The following TPCN1 variants were observed in gnomAD, a reference collection of about 807,000 sequenced individuals.
TPCN1 encodes two pore channel protein 1.
TPCN1 carries 52 observed loss-of-function variants against 108.8 expected under a neutral mutation model. The ratio of observed to expected loss-of-function variants is 0.48; its 90% confidence interval spans 0.38 to 0.60. The LOEUF (loss-of-function observed/expected upper bound fraction) is 0.60, where lower values mean the gene tolerates loss of function less well. Among genes scored for constraint, TPCN1 ranks in the 20% least tolerant of loss-of-function variants. TPCN1 has a pLI of 0.00. For missense variants in TPCN1, 806 were observed against 1,072.8 expected (o/e 0.75, Z 3.47); for synonymous variants, 446 against 433.7 (o/e 1.03, Z -0.35).
intron 2 of TPCN1, among the ~76,000 whole-genome samples, chr12:113,241,752 G>T (rs544209340): frequency 1.4e-5 from 2 of 145,394 alleles, no homozygotes; most frequent in African/African-American, 5.3e-5. Context: ...TGGCGTTTGC[G>T]TGCCTCTGCG....
At chr12:113,243,965 C>A (rs976526364) in intron 2 of TPCN1, among the ~76,000 whole-genome samples, 1 of 152,154 alleles carries the variant, frequency 6.6e-6, no homozygotes, top group Admixed American at 6.5e-5. Context: ...TGTCCCCTAA[C>A]TCCCAAAAGC....
intron 13 of TPCN1, 89 bp from the exon 14 acceptor site, chr12:113,278,683 G>A (rs1252932146): frequency 8.5e-6 from 9 of 1,053,540 alleles, no homozygotes; most frequent in Non-Finnish European, 1.3e-5. Context: ...TTAGCAGGGT[G>A]AACAGGAAAG....
intron 2 of TPCN1, among the ~76,000 whole-genome samples, chr12:113,252,003 G>C (rs535262460): frequency 1.3e-5 from 2 of 152,092 alleles, no homozygotes; most frequent in African/African-American, 4.8e-5. Flanking sequence ...TTCCAGACCT[G>C]GTGAGTTACA....
chr12:113,291,008 CG>C lies in TPCN1; in HGVS notation c.1959+13del. ...CTGGTACATCATCATGGTAAGAGCT[CG>C]GGCAGCTCTGGGGGTATCTTCCCGC... On this transcript the variant is annotated intron_variant, in intron 23 of 27. Coordinates refer to ENST00000335509, the MANE Select transcript of TPCN1 (RefSeq NM_017901.6). The C allele has an allele frequency of 6.2e-7, 1 of 1,613,062 alleles. No individual in the cohort carries two copies. Among genetic ancestry groups the C allele is most frequent in the Non-Finnish European group, 8.5e-7 (1 of 1,179,614 alleles).
intron 2 of TPCN1, chr12:113,249,396 A>T: frequency 6.6e-6 from 1 of 152,278 alleles, no homozygotes; most frequent in Non-Finnish European, 1.5e-5. Flanking sequence ...AGATGATTGT[A>T]TGAAGGAAAG....
intron 18 of TPCN1, among the ~76,000 whole-genome samples, chr12:113,286,630 C>T (rs535560405): frequency 1.1e-4 from 16 of 152,320 alleles, no homozygotes; most frequent in African/African-American, 3.8e-4. Context: ...AACCAGATGT[C>T]TGTTGAGCGG....
intron 2 of TPCN1, among the ~76,000 whole-genome samples, chr12:113,251,753 T>C (rs563956535): frequency 5.8e-4 from 89 of 152,320 alleles, no homozygotes; most frequent in African/African-American, 1.8e-3. Context: ...AAAGATCCTC[T>C]CCCATTGTTC....
intron 2 of TPCN1, chr12:113,244,561 G>A: frequency 1.0e-6 from 1 of 985,414 alleles, no homozygotes; most frequent in Non-Finnish European, 1.2e-6. Context: ...GAGCCAGCCG[G>A]CACAGAAGCA....
In TPCN1 at chr12:113,284,440, C is replaced by G; in HGVS notation, c.1343-141C>G. The G allele has an allele frequency of 1.2e-6, 1 of 861,674 alleles. No homozygotes were observed. Among genetic ancestry groups the G allele is most frequent in the South Asian group, 1.6e-5 (1 of 63,416 alleles). The allele number at this position is 861,674 out of a possible 1,614,324, so 53.4% of individuals were successfully genotyped here. A position where few individuals can be genotyped will look rare whatever the true frequency, so the allele number is the denominator to read the frequency against. Reference sequence around the variant, plus strand: ...AGAGCACTGAGCAGAAAGAAGTTCCCTATCAAATGGGTGTGTGGAGCAGCC... The same window carrying G: ...AGAGCACTGAGCAGAAAGAAGTTCCGTATCAAATGGGTGTGTGGAGCAGCC... On this transcript the variant is annotated intron_variant, in intron 15 of 27. Transcript: ENST00000335509. The surrounding 1 kb of genome is among the most constrained non-coding windows in gnomAD (Gnocchi z 4.1).
At chr12:113,239,839 T>C (rs750898354) in intron 2 of TPCN1, among the ~76,000 whole-genome samples, 2 of 152,122 alleles carry the variant, frequency 1.3e-5, no homozygotes, top group African/African-American at 2.4e-5. Context: ...TTATCTCTCT[T>C]TTTGTTAGAT....
At chr12:113,226,988 G>A (rs905601086) in intron 2 of TPCN1, 24 bp downstream of exon 2, 2 of 1,593,650 alleles carry the variant, frequency 1.3e-6, no homozygotes, top group Non-Finnish European at 1.7e-6. Flanking sequence ...GTGGGCTGGG[G>A]GGACCCCAGC....
rs1956271613 is a variant in TPCN1, at chr12:113,291,622, C to T, written c.1973C>T (p.Ser658Phe). 6.2e-7 allele frequency: 1 copy of T among 1,613,014 alleles called. No homozygotes were observed. Among genetic ancestry groups the T allele is most frequent in the Non-Finnish European group, 8.5e-7 (1 of 1,179,680 alleles). ...CTTGGTCTCCAGGAAGGCGTCACCT[C>T]TCAGACCTCCCACTGGAGCCGCCTC... ...NWYIIMEGVT[S>F]QTSHWSRLYF... Residue 658 changes from serine to phenylalanine, a missense_variant, in exon 24 of 28, where the codon TCT becomes TTT. By Grantham distance (155) the Ser-to-Phe change is radical (BLOSUM62 -2). Coordinates refer to ENST00000335509, the MANE Select transcript of TPCN1 (RefSeq NM_017901.6).
At chr12:113,230,073 C>T (rs1009897367) in intron 2 of TPCN1, among the ~76,000 whole-genome samples, 8 of 152,154 alleles carry the variant, frequency 5.3e-5, no homozygotes, top group Non-Finnish European at 7.4e-5. Context: ...CTTGTTTGCT[C>T]GTGGCCTCCA....
At chr12:113,294,626 C>CAA (rs368650271) in intron 27 of TPCN1, among the ~76,000 whole-genome samples, 5 of 95,488 alleles carry the variant, frequency 5.2e-5, no homozygotes, top group Admixed American at 1.2e-4. Context: ...GACTCTGTCT[C>CAA]AAAAAAAAAA....
intron 27 of TPCN1, among the ~76,000 whole-genome samples, chr12:113,294,495 C>T (rs1400890115): frequency 6.6e-6 from 1 of 152,086 alleles, no homozygotes; most frequent in South Asian, 2.1e-4. Flanking sequence ...GGCCTGGTTC[C>T]GTGCACCTGT....
chr12:113,291,500 A>C (rs751681368), intron 23 of TPCN1, 109 bp from the exon 24 acceptor site: 2 of 924,296 alleles, frequency 2.2e-6, no homozygotes, highest in African/African-American at 1.6e-5. Context: ...ACAACCAGCC[A>C]CAAATCACGG....
chr12:113,281,283 A>C (rs1264726119), intron 15 of TPCN1, among the ~76,000 whole-genome samples: 1 of 152,072 alleles, frequency 6.6e-6, no homozygotes, highest in Non-Finnish European at 1.5e-5. Context: ...CAGGTGGTCC[A>C]CCTGCCTCAG....
chr12:113,298,199 G>C lies in TPCN1; in HGVS notation c.*2123G>C, dbSNP rs1295875268. 6.6e-6 allele frequency: 1 copy of C among 152,340 alleles called. No homozygotes were observed. Among genetic ancestry groups the C allele is most frequent in the Non-Finnish European group, 1.5e-5 (1 of 68,108 alleles). 9.4% of individuals were successfully genotyped at this position (152,340 alleles called of 1,614,324 possible). ...CCAGGGTGGGTGCCCTTGTCATTGA[G>C]GTTAGGGACAGCTATCCCCAGGTTA... On this transcript the variant is annotated 3_prime_UTR_variant, in exon 28 of 28. Coordinates refer to ENST00000335509, the MANE Select transcript of TPCN1 (RefSeq NM_017901.6).
At chr12:113,244,681 G>A (rs755652045) in intron 2 of TPCN1, 105 of 985,316 alleles carry the variant, frequency 1.1e-4, no homozygotes, top group Non-Finnish European at 1.2e-4. Flanking sequence ...ACTGGCAAGC[G>A]GCGGGGCGGT....
Sources: allele counts gnomAD v4.1 joint callset (sites outside exome capture counted in the v4.1 genomes callset), GRCh38; gene constraint gnomAD v4.1.1; non-coding constraint Gnocchi (gnomAD v3.1); transcripts MANE v1.5; gene names NCBI Gene and HGNC (gene_info 2026-07-23, HGNC 2026-07-21).